The following NPHP1 variants were observed in gnomAD, a reference collection of about 807,000 sequenced individuals.
NPHP1 encodes the protein nephrocystin 1.
NPHP1 carries 70 observed loss-of-function variants against 90.4 expected under a neutral mutation model. That is an observed-to-expected ratio of 0.77 (90% CI 0.64 to 0.95). The LOEUF (loss-of-function observed/expected upper bound fraction) is 0.95. Among genes scored for constraint, NPHP1 ranks in the 40% least tolerant of loss-of-function variants. The pLI is 0.00. For synonymous variants in NPHP1, 256 were observed against 271.7 expected (o/e 0.94, Z 0.57); for missense variants, 764 against 795.9 (o/e 0.96, Z 0.48).
intron 3 of NPHP1, 137 bp downstream of exon 3, chr2:110,179,487 C>G (rs948105700): frequency 1.8e-6 from 1 of 569,366 alleles, no homozygotes; most frequent in South Asian, 1.9e-5. Flanking sequence ...GCCTGTTCGG[C>G]AAGCCAGCAC....
intron 16 of NPHP1, among the ~76,000 whole-genome samples, chr2:110,135,243 AAAT>A (rs1273508806): frequency 1.3e-5 from 2 of 152,014 alleles, no homozygotes; most frequent in Non-Finnish European, 2.9e-5. Flanking sequence ...TTAGATTTCA[AAAT>A]AATAATCTGG....
intron 4 of NPHP1, among the ~76,000 whole-genome samples, chr2:110,174,629 TA>T (rs1469012407): frequency 6.6e-6 from 1 of 152,146 alleles, no homozygotes; most frequent in Non-Finnish European, 1.5e-5. Context: ...ACCTCCTAAT[TA>T]ATACTCACAG....
chr2:110,141,403 C>T (rs1680617289), intron 16 of NPHP1, among the ~76,000 whole-genome samples: 1 of 151,896 alleles, frequency 6.6e-6, no homozygotes, highest in Admixed American at 6.6e-5. Context: ...TTATTATGTC[C>T]ATTTTAAAGA....
At position 110,154,369 on chromosome 2, in the gene NPHP1, C is replaced by T. The variant is rs575561825; in HGVS notation, c.1084-4113G>A. On this transcript the variant is annotated intron_variant, in intron 11 of 19. Coordinates refer to ENST00000445609, the MANE Select transcript of NPHP1 (RefSeq NM_001128178.3). ...TCTTTATCAGCAGCATGAGAATGAA[C>T]TAATACAGTAAATTGGGACCAGGAG... Among the ~76,000 whole-genome samples the T allele has an allele frequency of 5.4e-4, 82 of 152,160 alleles. No individual in the cohort carries two copies. In the South Asian group the frequency reaches 0.016, roughly 29 times the overall value.
chr2:110,162,500 C>A (rs1309594126), intron 9 of NPHP1, among the ~76,000 whole-genome samples: 1 of 152,054 alleles, frequency 6.6e-6, no homozygotes, highest in East Asian at 1.9e-4. Context: ...TCAGGGTATA[C>A]AGGACACCCC....
chr2:110,204,934 G>A lies in NPHP1; in HGVS notation c.35C>T (p.Ala12Val), dbSNP rs945046410. The change falls in exon 1 of 20, where the codon GCC becomes GTC. Residue 12 changes from alanine to valine, a missense_variant. By Grantham distance (64) the Ala-to-Val change is moderately conservative. Transcript: ENST00000445609. The part of the protein sequence containing the change: ...LARRQRDPLQ[A>V]LRRRNQELKQ... ...CAGCTCCTGATTGCGGCGCCGCAGG[G>A]CCTGGAGAGGATCTCGCTGTCGTCT... is the stretch of plus-strand genomic sequence containing the variant. 3 of 1,613,932 alleles carry A rather than the reference G, an allele frequency of 1.9e-6. No individual in the cohort carries two copies. The highest frequency in any genetic ancestry group is 2.5e-6 in the Non-Finnish European group (3 of 1,179,952).
Position 110,194,502 on chromosome 2 carries a change from G to A in NPHP1, c.143+6919C>T, listed in dbSNP as rs559595917. Among the ~76,000 whole-genome samples, 946 of 152,220 alleles carry A rather than the reference G, an allele frequency of 6.2e-3. 8 individuals are homozygous for A. Among genetic ancestry groups the A allele is most frequent in the African/African-American group, 0.022 (912 of 41,536 alleles). Reference sequence around the variant, plus strand: ...TAGACCAATAACAGGCTCTGAAATTGAGGCAATAATTAATAGCTTACCAAC... The same window carrying A: ...TAGACCAATAACAGGCTCTGAAATTAAGGCAATAATTAATAGCTTACCAAC... On this transcript the variant is annotated intron_variant, in intron 2 of 19. Transcript: ENST00000445609.
chr2:110,179,795 G>C (rs1431782108), intron 2 of NPHP1, 111 bp from the exon 3 acceptor site: 17 of 567,818 alleles, frequency 3.0e-5, no homozygotes, highest in Non-Finnish European at 4.7e-5. Context: ...GCCACTGTAT[G>C]AACAATACTA....
At position 110,141,385 on chromosome 2, in the gene NPHP1, T is replaced by C. The variant is rs1360729650; in HGVS notation, c.1529+2157A>G. 1.3e-5 allele frequency among the ~76,000 whole-genome samples: 2 copies of C among 152,026 alleles called. 1 individual carries two copies. Among genetic ancestry groups the C allele is most frequent in the African/African-American group, 4.8e-5 (2 of 41,396 alleles). ...CCTCATTACACCTTTATGGGGTTGA[T>C]ATTATTATTATTATGTCCATTTTAA... is the stretch of plus-strand genomic sequence containing the variant. On this transcript the variant is annotated intron_variant, in intron 16 of 19. Transcript: ENST00000445609.
intron 16 of NPHP1, among the ~76,000 whole-genome samples, chr2:110,132,883 C>T (rs1264977233): frequency 6.6e-6 from 1 of 151,546 alleles, no homozygotes. Context: ...ACCATGGTAA[C>T]CACAAAGAAA....
chr2:110,141,364 A>G (rs1339435594), intron 16 of NPHP1, among the ~76,000 whole-genome samples: 1 of 152,146 alleles, frequency 6.6e-6, no homozygotes, highest in Non-Finnish European at 1.5e-5. Context: ...ATTAAACCTC[A>G]TTACACCTTT....
rs766520051 is a variant in NPHP1, at chr2:110,204,984, GCT to G, written c.-18_-17del. 6.2e-7 allele frequency: 1 copy of G among 1,613,554 alleles called. No individual in the cohort carries two copies. Among genetic ancestry groups the G allele is most frequent in the Non-Finnish European group, 8.5e-7 (1 of 1,179,654 alleles). On this transcript the variant is annotated 5_prime_UTR_variant, in exon 1 of 20. Coordinates refer to ENST00000445609, the MANE Select transcript of NPHP1 (RefSeq NM_001128178.3). Reference sequence around the variant, plus strand: ...TCGCCAGCATCTCCCTGGCTGCGGTGCTCTGATTGCTCCAGTTGCCAGGGAAA... The same window carrying G: ...TCGCCAGCATCTCCCTGGCTGCGGTGCTGATTGCTCCAGTTGCCAGGGAAA...
At chr2:110,146,649 C>A in intron 14 of NPHP1, 104 bp downstream of exon 14, 2 of 851,326 alleles carry the variant, frequency 2.3e-6, no homozygotes, top group Non-Finnish European at 4.1e-6. Context: ...GTCCTCTCCC[C>A]AAAAGTTATT....
At chr2:110,194,910 A>G (rs1388902288) in intron 2 of NPHP1, among the ~76,000 whole-genome samples, 2 of 76,434 alleles carry the variant, frequency 2.6e-5, no homozygotes, top group South Asian at 7.9e-4. Flanking sequence ...CAAAAACCAC[A>G]TGATTATCTC....
intron 17 of NPHP1, 95 bp from the exon 18 acceptor site, chr2:110,129,354 G>A: frequency 1.1e-6 from 1 of 938,898 alleles, no homozygotes; most frequent in South Asian, 1.4e-5. Flanking sequence ...AAATTATTGT[G>A]CCAAATGATT....
chr2:110,156,653 C>T (rs1037895540), intron 11 of NPHP1, among the ~76,000 whole-genome samples: 3 of 152,244 alleles, frequency 2.0e-5, no homozygotes, highest in Admixed American at 6.5e-5. Context: ...CCAGAGTTTA[C>T]AATTACCCTC....
At chr2:110,187,373 A>G (rs1417531619) in intron 2 of NPHP1, among the ~76,000 whole-genome samples, 1 of 152,204 alleles carries the variant, frequency 6.6e-6, no homozygotes, top group Non-Finnish European at 1.5e-5. Context: ...CAATCAGCAG[A>G]GAATACTATA....
Position 110,161,600 on chromosome 2 carries a change from T to TA in NPHP1, c.954+2dup. 6.3e-7 allele frequency: 1 copy of TA among 1,584,886 alleles called. No homozygotes were observed. Among genetic ancestry groups the TA allele is most frequent in the Non-Finnish European group, 8.7e-7 (1 of 1,153,966 alleles). On this transcript the variant is annotated splice_region_variant and intron_variant, in intron 10 of 19. Coordinates refer to ENST00000445609, the MANE Select transcript of NPHP1 (RefSeq NM_001128178.3). Reference sequence around the variant, plus strand: ...CACTTTTACTGATAGTAACTATACTTACAGTGCCTTCTGTAGCATCCCACA... The same window carrying TA: ...CACTTTTACTGATAGTAACTATACTTAACAGTGCCTTCTGTAGCATCCCACA...
chr2:110,161,696 C>A lies in NPHP1; in HGVS notation c.861G>T (p.Gly287=). 1 of 1,606,438 alleles carries A rather than the reference C, an allele frequency of 6.2e-7. No homozygotes were observed. Among genetic ancestry groups the A allele is most frequent in the Non-Finnish European group, 8.5e-7 (1 of 1,173,306 alleles). ...AGAAGTAATTTGCTCGAAATTGATT[C>A]CCTGAAAAAATCATTTTTTCTTCAT... ...PSTLSQLLEE[G]NQFRANYFLQ... The change falls in exon 10 of 20, where the codon GGG becomes GGT. Residue 287 remains glycine (G), a splice_region_variant and synonymous_variant. Transcript: ENST00000445609.
Sources: allele counts gnomAD v4.1 joint callset (sites outside exome capture counted in the v4.1 genomes callset), GRCh38; gene constraint gnomAD v4.1.1; transcripts MANE v1.5; gene names NCBI Gene and HGNC (gene_info 2026-07-23, HGNC 2026-07-21).